The following ELAVL4 variants were observed in gnomAD, a reference collection of about 807,000 sequenced individuals.
The protein encoded by ELAVL4 is ELAV-like protein 4.
A neutral mutation model predicts 35.6 loss-of-function variants in ELAVL4; 1 was observed. The observed-to-expected ratio is 0.03, with a 90% CI of 0.01 to 0.13. The LOEUF (loss-of-function observed/expected upper bound fraction) is 0.13, where lower values mean the gene tolerates loss of function less well. Ranked by LOEUF, ELAVL4 falls within the 10% of genes least tolerant of loss-of-function variation. The probability of loss-of-function intolerance (pLI) is 1.00; values close to 1 mark genes in which losing one functional copy is unlikely to be tolerated. For missense variants in ELAVL4, 267 were observed against 464.9 expected, an observed-to-expected ratio of 0.57 and a Z score of 3.91; for synonymous variants, 156 against 171.0, an observed-to-expected ratio of 0.91 and a Z score of 0.69.
chr1:50,176,337 G>A (rs1198221654), intron 2 of ELAVL4, among the ~76,000 whole-genome samples: 2 of 152,170 alleles, frequency 1.3e-5, no homozygotes, highest in Non-Finnish European at 2.9e-5. Context: ...GGAATGATGA[G>A]GGTAAAGAAT....
At chr1:50,183,392 C>G (rs1030252965) in intron 3 of ELAVL4, among the ~76,000 whole-genome samples, 2 of 151,976 alleles carry the variant, frequency 1.3e-5, no homozygotes, top group African/African-American at 2.4e-5. Flanking sequence ...GGCAGGCAGC[C>G]GGTGAGAGAA....
intron 1 of ELAVL4, among the ~76,000 whole-genome samples, chr1:50,135,921 G>T (rs1671806461): frequency 1.3e-5 from 2 of 152,068 alleles, no homozygotes; most frequent in African/African-American, 4.8e-5. Flanking sequence ...GTATTTCCAA[G>T]TTCCCTTTTC....
Position 50,109,217 on chromosome 1 carries a change from A to G in ELAVL4, c.9+19A>G. The G allele has an allele frequency of 6.2e-7, 1 of 1,612,146 alleles. No individual in the cohort carries two copies. Among genetic ancestry groups the G allele is most frequent in the Admixed American group, 1.7e-5 (1 of 59,858 alleles). ...GGTTATGGTAGGTATGACTAGATTTATAATCTGTTGTTTGTGTTGCTGGAG... is the reference window on the plus strand; with the variant it reads ...GGTTATGGTAGGTATGACTAGATTTGTAATCTGTTGTTTGTGTTGCTGGAG... On this transcript the variant is annotated intron_variant, in intron 1 of 6. Coordinates refer to ENST00000371824, the MANE Select transcript of ELAVL4 (RefSeq NM_001144774.3).
intron 1 of ELAVL4, among the ~76,000 whole-genome samples, chr1:50,086,966 AAG>A (rs899204437): frequency 7.9e-5 from 12 of 152,134 alleles, no homozygotes; most frequent in Admixed American, 1.3e-4. Context: ...TAGCTAAAGG[AAG>A]AGATTCCCAT....
At chr1:50,126,929 G>C (rs2494887) in intron 1 of ELAVL4, among the ~76,000 whole-genome samples, 72,122 of 151,858 alleles carry the variant, frequency 0.47, 17,401 homozygotes, top group South Asian at 0.61. Context: ...TGACATGTTA[G>C]TATTGTGATT....
At chr1:50,089,040 G>A (rs1665375190) in intron 1 of ELAVL4, among the ~76,000 whole-genome samples, 1 of 152,178 alleles carries the variant, frequency 6.6e-6, no homozygotes, top group Non-Finnish European at 1.5e-5. Context: ...CAAAGGAATT[G>A]AGCAGCTCTG....
chr1:50,132,099 G>C (rs376481553), intron 1 of ELAVL4, among the ~76,000 whole-genome samples: 2 of 151,998 alleles, frequency 1.3e-5, no homozygotes, highest in Admixed American at 1.3e-4. Context: ...GATTTTGTTT[G>C]TTTTTTTCCA....
In ELAVL4 at chr1:50,152,808, T is replaced by G. The variant is rs1251241743; in HGVS notation, c.250+7611T>G. Reference sequence around the variant, plus strand: ...AAAATTGAGCTTTGATAGGAGAAGATATTTCTAGTTTGGAGAGAAGATAAA... The same window carrying G: ...AAAATTGAGCTTTGATAGGAGAAGAGATTTCTAGTTTGGAGAGAAGATAAA... On this transcript the variant is annotated intron_variant, in intron 2 of 6. Coordinates refer to ENST00000371824, the MANE Select transcript of ELAVL4 (RefSeq NM_001144774.3). Among the ~76,000 whole-genome samples, 3 of 152,214 alleles carry G rather than the reference T, an allele frequency of 2.0e-5. No homozygotes were observed. In the East Asian group the frequency reaches 5.8e-4, roughly 29 times the overall value.
chr1:50,130,707 A>G (rs1032269643), intron 1 of ELAVL4, among the ~76,000 whole-genome samples: 1 of 151,716 alleles, frequency 6.6e-6, no homozygotes, highest in African/African-American at 2.4e-5. Context: ...GCAGGCAGGA[A>G]CTCTTTCTCT....
At chr1:50,156,352 C>T (rs1401703321) in intron 2 of ELAVL4, among the ~76,000 whole-genome samples, 2 of 152,156 alleles carry the variant, frequency 1.3e-5, no homozygotes, top group Non-Finnish European at 2.9e-5. Flanking sequence ...GTGATACATG[C>T]GAAGGCACTT....
At chr1:50,062,146 T>C (rs1194462008) in intron 1 of ELAVL4, among the ~76,000 whole-genome samples, 1 of 152,176 alleles carries the variant, frequency 6.6e-6, no homozygotes, top group Non-Finnish European at 1.5e-5. Flanking sequence ...TCCCAGAAAC[T>C]TGGCTGGATG....
chr1:50,154,074 G>C (rs1174308460), intron 2 of ELAVL4, among the ~76,000 whole-genome samples: 8 of 152,304 alleles, frequency 5.3e-5, no homozygotes, highest in Middle Eastern at 3.4e-3. Flanking sequence ...ATCTTCAAGA[G>C]ATAATGAATA....
chr1:50,152,983 T>C (rs1361968933), intron 2 of ELAVL4, among the ~76,000 whole-genome samples: 2 of 152,224 alleles, frequency 1.3e-5, no homozygotes, highest in African/African-American at 2.4e-5. Flanking sequence ...TATCACAGTC[T>C]GTGAGGAGGT....
At chr1:50,167,224 C>G (rs1030120381) in intron 2 of ELAVL4, among the ~76,000 whole-genome samples, 2 of 152,178 alleles carry the variant, frequency 1.3e-5, no homozygotes, top group Non-Finnish European at 2.9e-5. Flanking sequence ...ATCATTCTAT[C>G]AATCCAGCTG....
At chr1:50,109,880 A>G in intron 1 of ELAVL4, 1 of 1,606,542 alleles carries the variant, frequency 6.2e-7, no homozygotes, top group Non-Finnish European at 8.5e-7. Context: ...GTCAGCTTTT[A>G]CATAACGTTC....
intron 1 of ELAVL4, among the ~76,000 whole-genome samples, chr1:50,082,885 T>TACCC (rs1665073268): frequency 6.6e-6 from 1 of 152,186 alleles, no homozygotes; most frequent in African/African-American, 2.4e-5. Context: ...CCTATGTACC[T>TACCC]ACCCACCTGT....
chr1:50,149,887 T>C (rs1674480199), intron 2 of ELAVL4, among the ~76,000 whole-genome samples: 1 of 152,088 alleles, frequency 6.6e-6, no homozygotes, highest in South Asian at 2.1e-4. Context: ...AACTGAACAT[T>C]ATCAATAACA....
At chr1:50,082,692 A>G (rs1193951555) in intron 1 of ELAVL4, among the ~76,000 whole-genome samples, 1 of 151,870 alleles carries the variant, frequency 6.6e-6, no homozygotes, top group African/African-American at 2.4e-5. Context: ...CCATTAGAGC[A>G]CTCTTTTTAG....
intron 2 of ELAVL4, among the ~76,000 whole-genome samples, chr1:50,150,985 A>G (rs996361102): frequency 6.6e-6 from 1 of 152,226 alleles, no homozygotes; most frequent in South Asian, 2.1e-4. Flanking sequence ...ATAATGGCCA[A>G]TGCTTTTGAG....
Sources: gnomAD v4.1 joint callset for allele counts (sites outside exome capture counted in the v4.1 genomes callset) on GRCh38, gnomAD v4.1.1 for gene constraint, MANE v1.5 for transcripts, NCBI Gene and HGNC (gene_info 2026-07-23, HGNC 2026-07-21) for gene names.